The following ARHGAP22 variants were observed in gnomAD, a reference collection of about 807,000 sequenced individuals.
ARHGAP22 encodes the protein Rho GTPase activating protein 22.
A neutral mutation model predicts 59.1 loss-of-function variants in ARHGAP22; 48 were observed. That is an observed-to-expected ratio of 0.81 (90% CI 0.64 to 1.03). The LOEUF (loss-of-function observed/expected upper bound fraction) is 1.03. Ranked by LOEUF, ARHGAP22 falls within the 50% of genes least tolerant of loss-of-function variation. The pLI is 0.00. For missense variants in ARHGAP22, 1,015 were observed against 958.7 expected (o/e 1.06, Z -0.78); for synonymous variants, 445 against 416.4 (o/e 1.07, Z -0.84).
the ARHGAP22 span, among the ~76,000 whole-genome samples, chr10:48,439,580 A>G: frequency 6.6e-6 from 1 of 152,102 alleles, no homozygotes. Flanking sequence ...AACTTTATCT[A>G]AAAAAGGAAC....
At chr10:48,441,918 A>G (rs985269004), downstream of ARHGAP22, among the ~76,000 whole-genome samples, 4 of 152,172 alleles carry the variant, frequency 2.6e-5, no homozygotes, top group Non-Finnish European at 4.4e-5. Flanking sequence ...CTGTGTTCTC[A>G]TCTTCTCTTG....
In ARHGAP22 at chr10:48,579,778, C is replaced by A. The variant is rs563048721; in HGVS notation, c.234+3175G>T. Among the ~76,000 whole-genome samples, 8 of 151,686 alleles carry A rather than the reference C, an allele frequency of 5.3e-5. No individual in the cohort carries two copies. The South Asian group carries it at 1.7e-3, about 32-fold the overall frequency. On this transcript the variant is annotated intron_variant, in intron 2 of 9. Transcript: ENST00000249601. ...AGCCCGTCCTACAGGAGAGTGCTGA[C>A]CGCCTGGGCCCCCTGTCACTGAGAA...
At chr10:48,585,664 T>C (rs943412283) in intron 1 of ARHGAP22, among the ~76,000 whole-genome samples, 3 of 152,210 alleles carry the variant, frequency 2.0e-5, no homozygotes, top group Non-Finnish European at 4.4e-5. Context: ...GTGATAGATC[T>C]ATGGGTACCA....
At position 48,451,746 on chromosome 10, in the gene ARHGAP22, AC is replaced by A. The variant is rs567884798; in HGVS notation, c.989-607del. The A allele has an allele frequency of 9.2e-3, 5,341 of 581,842 alleles. 46 individuals carry two copies. The highest frequency in any genetic ancestry group is 0.012 in the Non-Finnish European group (4,136 of 331,896). 36.0% of individuals were successfully genotyped at this position (581,842 alleles called of 1,614,324 possible). On this transcript the variant is annotated intron_variant, in intron 8 of 9. Transcript: ENST00000249601. The stretch of plus-strand genomic sequence containing the variant: ...ACACACACAACTGGACAATGCACCC[AC>A]CCAGCCTCCCCAAATCCCCCAACAC...
chr10:48,501,965 G>T (rs1395819881), intron 3 of ARHGAP22, among the ~76,000 whole-genome samples: 1 of 152,190 alleles, frequency 6.6e-6, no homozygotes, highest in African/African-American at 2.4e-5. Context: ...GCTCTGAAGT[G>T]CTGGCATTGG....
At chr10:48,500,432 C>T (rs771087333) in intron 3 of ARHGAP22, among the ~76,000 whole-genome samples, 1 of 152,122 alleles carries the variant, frequency 6.6e-6, no homozygotes, top group African/African-American at 2.4e-5. Flanking sequence ...GAAAGACTCA[C>T]ACACATATGG....
chr10:48,501,037 G>C (rs899708421), intron 3 of ARHGAP22, among the ~76,000 whole-genome samples: 1 of 152,152 alleles, frequency 6.6e-6, no homozygotes, highest in Admixed American at 6.5e-5. Flanking sequence ...GTAACTACAT[G>C]AAAGTTAAAA....
At chr10:48,651,354 A>G (rs1355009102) in intron 1 of ARHGAP22, among the ~76,000 whole-genome samples, 1 of 152,112 alleles carries the variant, frequency 6.6e-6, no homozygotes, top group African/African-American at 2.4e-5. Context: ...ACTGCCAACC[A>G]TCACCTACAC....
At chr10:48,435,462 G>T in the ARHGAP22 span, 2 of 151,420 alleles carry the variant, frequency 1.3e-5, no homozygotes, top group African/African-American at 2.4e-5. Flanking sequence ...TTTTGTTCAT[G>T]ATACTATCCT....
chr10:48,536,201 G>A (rs1002695111), intron 3 of ARHGAP22, among the ~76,000 whole-genome samples: 6 of 152,236 alleles, frequency 3.9e-5, no homozygotes, highest in African/African-American at 1.4e-4. Context: ...CCAGACGAGG[G>A]CACTGGGTTG....
intron 3 of ARHGAP22, among the ~76,000 whole-genome samples, chr10:48,552,054 G>A (rs1293764191): frequency 6.6e-6 from 1 of 152,238 alleles, no homozygotes; most frequent in African/African-American, 2.4e-5. Context: ...ACAGTATAAT[G>A]TTTCCTCATT....
chr10:48,552,156 C>G (rs2056945370), intron 3 of ARHGAP22, among the ~76,000 whole-genome samples: 1 of 152,292 alleles, frequency 6.6e-6, no homozygotes, highest in Non-Finnish European at 1.5e-5. Context: ...TAATTCTAGG[C>G]ATGACCTTCC....
At chr10:48,530,742 T>C (rs894195692) in intron 3 of ARHGAP22, among the ~76,000 whole-genome samples, 1 of 152,126 alleles carries the variant, frequency 6.6e-6, no homozygotes, top group Non-Finnish European at 1.5e-5. Context: ...CTCACAAGAA[T>C]GGCCATAATA....
At chr10:48,558,253 A>C (rs1258050130) in intron 2 of ARHGAP22, among the ~76,000 whole-genome samples, 1 of 152,352 alleles carries the variant, frequency 6.6e-6, no homozygotes, top group African/African-American at 2.4e-5. Context: ...GTCATAGTAC[A>C]TTAAGTTAGG....
chr10:48,430,101 T>G, the ARHGAP22 span: 1 of 152,370 alleles, frequency 6.6e-6, no homozygotes, highest in East Asian at 1.9e-4. Flanking sequence ...TGTTTTTGTT[T>G]TTTTGTTGTT....
chr10:48,568,318 T>A (rs1232445371), intron 2 of ARHGAP22, among the ~76,000 whole-genome samples: 2 of 152,212 alleles, frequency 1.3e-5, no homozygotes, highest in Non-Finnish European at 2.9e-5. Flanking sequence ...CATTCCTGGC[T>A]GAATGACATG....
chr10:48,502,158 G>T (rs912238786), intron 3 of ARHGAP22, among the ~76,000 whole-genome samples: 7 of 152,160 alleles, frequency 4.6e-5, no homozygotes, highest in African/African-American at 1.7e-4. Flanking sequence ...CCTTTCACTA[G>T]CTTATAATCA....
chr10:48,487,326 A>G lies in ARHGAP22; in HGVS notation c.323-7562T>C, dbSNP rs2049957953. On this transcript the variant is annotated intron_variant, in intron 3 of 9. Coordinates refer to ENST00000249601, the MANE Select transcript of ARHGAP22 (RefSeq NM_021226.4). ...CACATGCCTGTCCCTGGAACCTGTG[A>G]TTAGGTTAGGTTACACAGTGAAGAA... Among the ~76,000 whole-genome samples the G allele has an allele frequency of 2.0e-5, 3 of 152,174 alleles. No homozygotes were observed. In the South Asian group the frequency reaches 6.2e-4, roughly 32 times the overall value.
chr10:48,479,816 T>A, intron 3 of ARHGAP22, 52 bp from the exon 4 acceptor site: 3 of 1,481,762 alleles, frequency 2.0e-6, no homozygotes, highest in Non-Finnish European at 2.7e-6. Flanking sequence ...CGCAGCACAC[T>A]CTCCACCGCC....
Sources: allele counts gnomAD v4.1 joint callset (sites outside exome capture counted in the v4.1 genomes callset), GRCh38; gene constraint gnomAD v4.1.1; transcripts MANE v1.5; gene names NCBI Gene and HGNC (gene_info 2026-07-23, HGNC 2026-07-21).